The following NR2F2 variants were observed in gnomAD, a reference collection of about 807,000 sequenced individuals.
The protein encoded by NR2F2 is nuclear receptor subfamily 2 group F member 2, also known as COUP transcription factor 2.
In NR2F2, 2 loss-of-function variants were observed where a neutral mutation model predicts 34.8. The ratio of observed to expected loss-of-function variants is 0.06; its 90% CI spans 0.02 to 0.18. NR2F2 has a LOEUF of 0.18. NR2F2 is among the 10% of genes least tolerant of loss of function. The probability of loss-of-function intolerance (pLI) is 1.00; values close to 1 mark genes in which losing one functional copy is unlikely to be tolerated. For synonymous variants in NR2F2, 274 were observed against 251.8 expected (o/e 1.09, Z -0.84); for missense variants, 300 against 580.1 (o/e 0.52, Z 4.96).
upstream of NR2F2, among the ~76,000 whole-genome samples, chr15:96,330,314 C>G (rs1229219338): frequency 2.0e-5 from 3 of 151,922 alleles, no homozygotes; most frequent in African/African-American, 7.2e-5. Flanking sequence ...CTGCGCTAGT[C>G]TCCCCGCCGG....
chr15:96,326,421 G>A, upstream of NR2F2: 1 of 1,363,448 alleles, frequency 7.3e-7, no homozygotes, highest in Non-Finnish European at 1.0e-6. This position sits in a 1 kb window ranked among gnomAD's most constrained non-coding sequence, Gnocchi z 5.5. Context: ...GCTGTGTGGG[G>A]TTGGGGATGA....
At position 96,331,505 on chromosome 15, in the gene NR2F2, G is replaced by A. The variant is rs1400767310; in HGVS notation, c.-601G>A. On this transcript the variant is annotated 5_prime_UTR_variant, in exon 1 of 3. Transcript: ENST00000394166. ...TTTCCTGAATGGCTGACTGTGGGCT[G>A]CCCTGGACTTGGCCCCCGGACAGTC... is the stretch of plus-strand genomic sequence containing the variant. 4 of 1,231,264 alleles carry A rather than the reference G, an allele frequency of 3.2e-6. No homozygotes were observed. Among genetic ancestry groups the A allele is most frequent in the Non-Finnish European group, 4.0e-6 (4 of 988,010 alleles). 76.3% of individuals were successfully genotyped at this position (1,231,264 alleles called of 1,614,324 possible).
intron 2 of NR2F2, among the ~76,000 whole-genome samples, chr15:96,336,482 C>T (rs1216622227): frequency 2.6e-5 from 4 of 152,116 alleles, no homozygotes; most frequent in Admixed American, 2.6e-4. Context: ...TCACAATATG[C>T]ATATGTTAAC....
At chr15:96,333,440 G>A in intron 1 of NR2F2, 1 of 1,002,864 alleles carries the variant, frequency 1.0e-6, no homozygotes, top group Non-Finnish European at 1.2e-6. Flanking sequence ...CCTGCTCCCT[G>A]CCTCTCCCGG....
chr15:96,333,717 T>C, intron 1 of NR2F2: 1 of 1,192,952 alleles, frequency 8.4e-7, no homozygotes, highest in Non-Finnish European at 1.0e-6. Flanking sequence ...TCTCCTCCAA[T>C]CAATAAGAAA....
chr15:96,329,425 T>A (rs1899071079), upstream of NR2F2, among the ~76,000 whole-genome samples: 2 of 152,226 alleles, frequency 1.3e-5, no homozygotes. Context: ...CTTTTTGCAG[T>A]GACTTCTTGA....
At position 96,337,787 on chromosome 15, in the gene NR2F2, AAAAG is replaced by A; in HGVS notation, c.*167_*170del. On this transcript the variant is annotated 3_prime_UTR_variant, in exon 3 of 3. Transcript: ENST00000394166. ...GGACTGTGAATTTCAAAAAAAAAAA[AAAAG>A]ACTGTCAAATGAACTTTTACAGAAT... 2.3e-6 allele frequency: 1 copy of A among 438,584 alleles called. No homozygotes were observed. Among genetic ancestry groups the A allele is most frequent in the Non-Finnish European group, 3.5e-6 (1 of 283,700 alleles). 27.2% of individuals were successfully genotyped at this position (438,584 alleles called of 1,614,324 possible). A position where few individuals can be genotyped will look rare whatever the true frequency, so the allele number is the denominator to read the frequency against.
chr15:96,333,887 C>T, intron 1 of NR2F2, 189 bp from the exon 2 acceptor site: 2 of 1,435,880 alleles, frequency 1.4e-6, no homozygotes, highest in Non-Finnish European at 1.8e-6. Flanking sequence ...CCTCAGAGCT[C>T]GCCTGGGTGG....
Position 96,334,551 on chromosome 15 carries a change from C to T in NR2F2, c.918C>T (p.His306=), listed in dbSNP as rs751816358. Residue 306 remains histidine (H), a synonymous_variant, in exon 2 of 3, where the codon CAC becomes CAT. Coordinates refer to ENST00000394166, the MANE Select transcript of NR2F2 (RefSeq NM_021005.4). The part of the protein sequence containing the change: ...QEQVEKLKAL[H]VDSAEYSCLK... ...AAGTGGAGAAGCTCAAGGCGCTGCACGTTGACTCAGCCGAGTACAGCTGCC... is the reference window on the plus strand; with the variant it reads ...AAGTGGAGAAGCTCAAGGCGCTGCATGTTGACTCAGCCGAGTACAGCTGCC... The T allele has an allele frequency of 9.9e-6, 16 of 1,612,956 alleles. No homozygotes were observed. In the Admixed American group the frequency reaches 2.5e-4, roughly 25 times the overall value.
At chr15:96,326,363 T>G, upstream of NR2F2, 1 of 1,610,466 alleles carries the variant, frequency 6.2e-7, no homozygotes, top group Non-Finnish European at 8.5e-7. This position sits in a 1 kb window ranked among gnomAD's most constrained non-coding sequence, Gnocchi z 5.5. Context: ...GTATGTTTAC[T>G]TACAGTATTT....
At chr15:96,326,309 G>A, upstream of NR2F2, 1 of 1,613,490 alleles carries the variant, frequency 6.2e-7, no homozygotes, top group Non-Finnish European at 8.5e-7. This position sits in a 1 kb window ranked among gnomAD's most constrained non-coding sequence, Gnocchi z 5.5. Context: ...TTAGGAGGAA[G>A]ATGCAAGCGG....
chr15:96,338,021 C>CT lies in NR2F2; in HGVS notation c.*400dup, dbSNP rs1225866901. On this transcript the variant is annotated 3_prime_UTR_variant, in exon 3 of 3. Transcript: ENST00000394166. Reference sequence around the variant, plus strand: ...TTCCAAATTATTAATTGTCCTGTGTCTATGTACCTCTAGCTGTTCTTTTTT... The same window carrying CT: ...TTCCAAATTATTAATTGTCCTGTGTCTTATGTACCTCTAGCTGTTCTTTTTT... 2 of 147,864 alleles carry CT rather than the reference C, an allele frequency of 1.4e-5. No homozygotes were observed. The highest frequency in any genetic ancestry group is 2.4e-5 in the African/African-American group (1 of 41,052). 9.2% of individuals were successfully genotyped at this position (147,864 alleles called of 1,614,324 possible).
rs1004504018 is a variant in NR2F2, at chr15:96,331,537, C to T, written c.-569C>T. On this transcript the variant is annotated 5_prime_UTR_variant, in exon 1 of 3. Transcript: ENST00000394166. ...ACTTGGCCCCCGGACAGTCGCCTCTCCTCCTCCTCTACCTCCTCCTTCACC... is the reference window on the plus strand; with the variant it reads ...ACTTGGCCCCCGGACAGTCGCCTCTTCTCCTCCTCTACCTCCTCCTTCACC... 2.4e-6 allele frequency: 3 copies of T among 1,226,510 alleles called. No homozygotes were observed. Among genetic ancestry groups the T allele is most frequent in the Middle Eastern group, 3.1e-4 (1 of 3,226 alleles). The allele number at this position is 1,226,510 out of a possible 1,614,324, so 76.0% of individuals were successfully genotyped here.
In NR2F2 at chr15:96,332,195, C is replaced by G; in HGVS notation, c.90C>G (p.Pro30=). The G allele has an allele frequency of 7.5e-7, 1 of 1,334,884 alleles. No individual in the cohort carries two copies. 82.7% of individuals were successfully genotyped at this position (1,334,884 alleles called of 1,614,324 possible). ...GSQASQAPPV[P]GPPPGAPHTP... Reference sequence around the variant, plus strand: ...AGGCCTCGCAGGCGCCGCCCGTGCCCGGCCCGCCGCCCGGCGCCCCGCACA... The same window carrying G: ...AGGCCTCGCAGGCGCCGCCCGTGCCGGGCCCGCCGCCCGGCGCCCCGCACA... The change falls in exon 1 of 3, where the codon CCC becomes CCG. Residue 30 remains proline (P), a synonymous_variant. Transcript: ENST00000394166.
At chr15:96,334,990 G>A (rs1018222557) in intron 2 of NR2F2, among the ~76,000 whole-genome samples, 1 of 152,244 alleles carries the variant, frequency 6.6e-6, no homozygotes, top group Non-Finnish European at 1.5e-5. Context: ...CCCTGGCTGG[G>A]CCTCCAGGAG....
In NR2F2 at chr15:96,338,976, T is replaced by G. The variant is rs1386863731; in HGVS notation, c.*1354T>G. 1.4e-5 allele frequency: 2 copies of G among 140,974 alleles called. No individual in the cohort carries two copies. The highest frequency in any genetic ancestry group is 5.2e-5 in the African/African-American group (2 of 38,432). 8.7% of individuals were successfully genotyped at this position (140,974 alleles called of 1,614,324 possible). A position where few individuals can be genotyped will look rare whatever the true frequency, so the allele number is the denominator to read the frequency against. ...TATTTGCCTGTTTAATTTGGGTGTG[T>G]GTGTGTTGGGGGGGGAGCTGAAGTT... is the stretch of plus-strand genomic sequence containing the variant. On this transcript the variant is annotated 3_prime_UTR_variant, in exon 3 of 3. Coordinates refer to ENST00000394166, the MANE Select transcript of NR2F2 (RefSeq NM_021005.4).
At chr15:96,333,480 C>G in intron 1 of NR2F2, 1 of 1,003,754 alleles carries the variant, frequency 1.0e-6, no homozygotes, top group Non-Finnish European at 1.2e-6. Context: ...GCCTCTCTCT[C>G]TCCGCCCTCT....
chr15:96,327,966 CAAT>C (rs1487784436), upstream of NR2F2, among the ~76,000 whole-genome samples: 1 of 152,276 alleles, frequency 6.6e-6, no homozygotes, highest in African/African-American at 2.4e-5. Flanking sequence ...TAAAAAACAA[CAAT>C]AATATATTGA....
chr15:96,340,215 T>C lies in NR2F2; in HGVS notation c.*2593T>C, dbSNP rs1210321738. The C allele has an allele frequency of 6.6e-6, 1 of 152,196 alleles. No homozygotes were observed. The highest frequency in any genetic ancestry group is 1.5e-5 in the Non-Finnish European group (1 of 68,020). 9.4% of individuals were successfully genotyped at this position (152,196 alleles called of 1,614,324 possible). A position where few individuals can be genotyped will look rare whatever the true frequency, so the allele number is the denominator to read the frequency against. ...ATTGTAAACAGCCATTTGTTGTAAA[T>C]TATTATTGGCATTAAATTATAATTT... On this transcript the variant is annotated 3_prime_UTR_variant, in exon 3 of 3. Transcript: ENST00000394166.
Sources: allele counts gnomAD v4.1 joint callset (sites outside exome capture counted in the v4.1 genomes callset), GRCh38; gene constraint gnomAD v4.1.1; non-coding constraint Gnocchi (gnomAD v3.1); transcripts MANE v1.5; gene names NCBI Gene and HGNC (gene_info 2026-07-23, HGNC 2026-07-21).